Variants in VAV2 observed in about 807,000 individuals in gnomAD.
The protein encoded by VAV2 is guanine nucleotide exchange factor VAV2.
A neutral mutation model predicts 132.5 loss-of-function variants in VAV2; 67 were observed. That is an observed-to-expected ratio of 0.51 (90% confidence interval 0.42 to 0.62). The LOEUF is 0.62. Ranked by LOEUF, VAV2 falls within the 20% of genes least tolerant of loss-of-function variation. VAV2 has a pLI of 0.00. For synonymous variants in VAV2, 492 were observed against 443.5 expected (o/e 1.11, Z -1.37); for missense variants, 938 against 1,153.6 (o/e 0.81, Z 2.71).
intron 2 of VAV2, among the ~76,000 whole-genome samples, chr9:133,931,086 G>A (rs143154362): frequency 7.9e-5 from 12 of 152,322 alleles, no homozygotes; most frequent in African/African-American, 1.2e-4. Flanking sequence ...AGCCAGCACC[G>A]CGGGTTCCTG....
chr9:133,921,804 C>T (rs1000998463), intron 2 of VAV2, among the ~76,000 whole-genome samples: 34 of 152,314 alleles, frequency 2.2e-4, no homozygotes, highest in Admixed American at 5.2e-4. Flanking sequence ...AAATCAACCG[C>T]GGATGAACTT....
Position 133,935,802 on chromosome 9 carries a change from G to A in VAV2, c.321+3301C>T, listed in dbSNP as rs1840887094. ...CCGCCACAGAGACAGGGCTGGCGGGGCCGAGGCCAGGCCCACGCTGAAGGG... is the reference window on the plus strand; with the variant it reads ...CCGCCACAGAGACAGGGCTGGCGGGACCGAGGCCAGGCCCACGCTGAAGGG... On this transcript the variant is annotated intron_variant, in intron 2 of 29. Transcript: ENST00000371850. This position sits in a 1 kb window ranked among gnomAD's most constrained non-coding sequence, Gnocchi z 5.2. Among the ~76,000 whole-genome samples the A allele has an allele frequency of 6.6e-6, 1 of 152,198 alleles. No homozygotes were observed. The highest frequency in any genetic ancestry group is 6.5e-5 in the Admixed American group (1 of 15,284).
intron 19 of VAV2, 25 bp from the exon 20 acceptor site, chr9:133,780,735 T>C (rs1340918500): frequency 2.8e-5 from 36 of 1,266,984 alleles, no homozygotes; most frequent in Non-Finnish European, 3.5e-5. Flanking sequence ...GGTCAGGTGT[T>C]AGAGGGGAGG....
intron 1 of VAV2, among the ~76,000 whole-genome samples, chr9:133,945,304 T>C (rs984994366): frequency 6.6e-6 from 1 of 152,190 alleles, no homozygotes; most frequent in Admixed American, 6.5e-5. Context: ...GGGGAGGCAC[T>C]GAGTGTAGGA....
chr9:133,776,941 C>T (rs761648802), intron 23 of VAV2, among the ~76,000 whole-genome samples: 21 of 152,310 alleles, frequency 1.4e-4, no homozygotes, highest in Non-Finnish European at 2.5e-4. Context: ...GCTCCATATC[C>T]CTCAGATGAA....
Position 133,991,997 on chromosome 9 carries a change from C to A in VAV2, c.204+78G>T, listed in dbSNP as rs950189736. ...CAGGGCGCCTGGGCCGCCGCCGCTGCGACCTCCGCGTTCAGTCCGCGCGTC... is the reference window on the plus strand; with the variant it reads ...CAGGGCGCCTGGGCCGCCGCCGCTGAGACCTCCGCGTTCAGTCCGCGCGTC... On this transcript the variant is annotated intron_variant, in intron 1 of 29. Coordinates refer to ENST00000371850, the MANE Select transcript of VAV2 (RefSeq NM_001134398.2). The surrounding 1 kb of genome is among the most constrained non-coding windows in gnomAD (Gnocchi z 4.8). 2 of 1,214,466 alleles carry A rather than the reference C, an allele frequency of 1.6e-6. No homozygotes were observed. The highest frequency in any genetic ancestry group is 4.5e-5 in the Admixed American group (1 of 22,244). 75.2% of individuals were successfully genotyped at this position (1,214,466 alleles called of 1,614,324 possible).
At chr9:133,937,539 A>AGT (rs71380264) in intron 2 of VAV2, among the ~76,000 whole-genome samples, 29,534 of 148,608 alleles carry the variant, frequency 0.2, 2,953 homozygotes, top group Non-Finnish European at 0.23. Context: ...TGTGTGTGAG[A>AGT]GTGTGTGTGT....
intron 3 of VAV2, among the ~76,000 whole-genome samples, chr9:133,843,320 T>C (rs1034178869): frequency 1.3e-5 from 2 of 152,116 alleles, no homozygotes. Context: ...AGGGAGCTGG[T>C]GTGAAGAGTA....
In VAV2 at chr9:133,794,957, C is replaced by A. The variant is rs370885685; in HGVS notation, c.1101+711G>T. The stretch of plus-strand genomic sequence containing the variant: ...CACAGTGAAGGCAGGATGAGCAGGA[C>A]GTGGCCAGGTGACGAGGAGGAGGGT... On this transcript the variant is annotated intron_variant, in intron 12 of 29. Transcript: ENST00000371850. The surrounding 1 kb of genome is among the most constrained non-coding windows in gnomAD (Gnocchi z 4.6). Among the ~76,000 whole-genome samples, 1 of 152,192 alleles carries A rather than the reference C, an allele frequency of 6.6e-6. No homozygotes were observed. Among genetic ancestry groups the A allele is most frequent in the Admixed American group, 6.5e-5 (1 of 15,280 alleles).
In VAV2 at chr9:133,912,303, G is replaced by A. The variant is rs978635669; in HGVS notation, c.321+26800C>T. 1.3e-5 allele frequency among the ~76,000 whole-genome samples: 2 copies of A among 152,192 alleles called. No individual in the cohort carries two copies. Among genetic ancestry groups the A allele is most frequent in the African/African-American group, 2.4e-5 (1 of 41,448 alleles). On this transcript the variant is annotated intron_variant, in intron 2 of 29. Coordinates refer to ENST00000371850, the MANE Select transcript of VAV2 (RefSeq NM_001134398.2). This position sits in a 1 kb window ranked among gnomAD's most constrained non-coding sequence, Gnocchi z 4.3. The stretch of plus-strand genomic sequence containing the variant: ...TCACCGGAGGATGGTCCAAGAAGGC[G>A]GGAAGGCCTTCCAGGTCTGGGAACA...
At chr9:133,797,598 C>T in intron 10 of VAV2, 112 bp downstream of exon 10, 1 of 910,858 alleles carries the variant, frequency 1.1e-6, no homozygotes, top group Non-Finnish European at 1.6e-6. Context: ...TCATCACCCC[C>T]ATCACCACCT....
intron 2 of VAV2, among the ~76,000 whole-genome samples, chr9:133,900,778 T>G (rs1053771502): frequency 7.5e-5 from 11 of 145,990 alleles, no homozygotes; most frequent in South Asian, 2.2e-4. Flanking sequence ...TTTATTTATT[T>G]ATTTATTTAT....
At chr9:133,946,466 T>C (rs1248425240) in intron 1 of VAV2, among the ~76,000 whole-genome samples, 1 of 152,258 alleles carries the variant, frequency 6.6e-6, no homozygotes, top group African/African-American at 2.4e-5. Flanking sequence ...CTGAGCAAGC[T>C]GGGGGTCTCC....
At chr9:133,951,773 C>T (rs968033340) in intron 1 of VAV2, among the ~76,000 whole-genome samples, 1 of 152,162 alleles carries the variant, frequency 6.6e-6, no homozygotes, top group Non-Finnish European at 1.5e-5. Flanking sequence ...AAAGCAGAGG[C>T]GGTTTCCCCA....
intron 1 of VAV2, among the ~76,000 whole-genome samples, chr9:133,976,338 T>G (rs1327972721): frequency 6.6e-6 from 1 of 152,170 alleles, no homozygotes; most frequent in African/African-American, 2.4e-5. Context: ...CTGAGTGGAC[T>G]CTGGGACCAG....
At chr9:133,964,162 A>T (rs1842071731) in intron 1 of VAV2, among the ~76,000 whole-genome samples, 1 of 150,086 alleles carries the variant, frequency 6.7e-6, no homozygotes, top group Non-Finnish European at 1.5e-5. Context: ...GTTCAAGACC[A>T]GTCTGAGCAA....
At chr9:133,837,324 C>T (rs1167579780) in intron 3 of VAV2, among the ~76,000 whole-genome samples, 2 of 152,220 alleles carry the variant, frequency 1.3e-5, no homozygotes, top group Admixed American at 6.5e-5. Context: ...GAGCCCCACT[C>T]GCCATGATGA....
At chr9:133,861,165 G>C (rs1373593013) in intron 3 of VAV2, 1 of 497,160 alleles carries the variant, frequency 2.0e-6, no homozygotes, top group Non-Finnish European at 3.5e-6. Flanking sequence ...TAACATGCTT[G>C]CAAGATTTCC....
At chr9:133,988,102 A>T (rs1216643143) in intron 1 of VAV2, among the ~76,000 whole-genome samples, 1 of 152,246 alleles carries the variant, frequency 6.6e-6, no homozygotes, top group African/African-American at 2.4e-5. Context: ...TTCTGGAAGG[A>T]GGGAACATCA....
Sources: allele counts gnomAD v4.1 joint callset (sites outside exome capture counted in the v4.1 genomes callset), GRCh38; gene constraint gnomAD v4.1.1; non-coding constraint Gnocchi (gnomAD v3.1); transcripts MANE v1.5; gene names NCBI Gene and HGNC (gene_info 2026-07-23, HGNC 2026-07-21).